JCAD: variants seen among roughly 807,000 people sequenced by gnomAD.
The protein encoded by JCAD is junctional cadherin 5 associated.
JCAD carries 40 observed loss-of-function variants against 98.0 expected under a neutral mutation model. That is an observed-to-expected ratio of 0.41 (90% confidence interval 0.32 to 0.53). The LOEUF (loss-of-function observed/expected upper bound fraction) is 0.53. Ranked by LOEUF, JCAD falls within the 20% of genes least tolerant of loss-of-function variation. The pLI is 0.31. For missense variants in JCAD, 1,705 were observed against 1,738.1 expected (o/e 0.98, Z 0.34); for synonymous variants, 691 against 682.3 (o/e 1.01, Z -0.20).
At chr10:30,110,000 C>G (rs1192735071) in intron 1 of JCAD, among the ~76,000 whole-genome samples, 2 of 151,888 alleles carry the variant, frequency 1.3e-5, no homozygotes, top group African/African-American at 4.8e-5. Flanking sequence ...ATATGGACCC[C>G]TGATGTATGT....
At chr10:30,037,785 A>T (rs1837146608) in intron 2 of JCAD, among the ~76,000 whole-genome samples, 1 of 152,164 alleles carries the variant, frequency 6.6e-6, no homozygotes, top group Non-Finnish European at 1.5e-5. Flanking sequence ...ACGTGCACAG[A>T]GGAAATTAAG....
At chr10:30,093,474 A>G (rs941879591) in intron 1 of JCAD, among the ~76,000 whole-genome samples, 7 of 152,390 alleles carry the variant, frequency 4.6e-5, no homozygotes, top group African/African-American at 1.7e-4. Context: ...CGAGACAGAC[A>G]TAAGACTCAC....
At chr10:30,093,006 G>T (rs893938205) in intron 1 of JCAD, among the ~76,000 whole-genome samples, 1 of 152,048 alleles carries the variant, frequency 6.6e-6, no homozygotes. Context: ...TAGGCCATGG[G>T]TTTTAGCCAG....
chr10:30,050,216 G>A (rs984950527), intron 1 of JCAD, among the ~76,000 whole-genome samples: 1 of 145,276 alleles, frequency 6.9e-6, no homozygotes, highest in Non-Finnish European at 1.5e-5. Context: ...TCAAGAGCCT[G>A]AAGGAGGACA....
At chr10:30,106,501 A>G (rs1434716911) in intron 1 of JCAD, among the ~76,000 whole-genome samples, 2 of 151,910 alleles carry the variant, frequency 1.3e-5, no homozygotes, top group Non-Finnish European at 1.5e-5. Flanking sequence ...CTAGAGTAGC[A>G]CAGAAGATTA....
intron 1 of JCAD, among the ~76,000 whole-genome samples, chr10:30,070,088 A>G (rs1405387064): frequency 6.6e-6 from 1 of 152,212 alleles, no homozygotes; most frequent in Non-Finnish European, 1.5e-5. Context: ...AATCGTGCAA[A>G]TAAGAGCGAC....
At chr10:30,056,462 G>A (rs930276853) in intron 1 of JCAD, among the ~76,000 whole-genome samples, 2 of 151,382 alleles carry the variant, frequency 1.3e-5, no homozygotes, top group South Asian at 4.2e-4. Context: ...ATAACCAGTA[G>A]CAACAATCTG....
intron 2 of JCAD, among the ~76,000 whole-genome samples, chr10:30,043,992 AGAGGTGAT>A (rs1294091721): frequency 6.6e-6 from 1 of 152,210 alleles, no homozygotes; most frequent in Non-Finnish European, 1.5e-5. Context: ...GGGACCTTTA[AGAGGTGAT>A]GAGGTAATGA....
rs1169708352 is a variant in JCAD, at chr10:30,014,355, T to C, written c.*3528A>G. On this transcript the variant is annotated 3_prime_UTR_variant, in exon 4 of 4. Transcript: ENST00000375377. ...TGCATAAATGGGTCTGGTAGAACAA[T>C]GCTCCCCAACGCTAAAGTAATTGCT... 6.6e-6 allele frequency: 1 copy of C among 152,198 alleles called. No homozygotes were observed. Among genetic ancestry groups the C allele is most frequent in the Non-Finnish European group, 1.5e-5 (1 of 68,036 alleles). The allele number at this position is 152,198 out of a possible 1,614,324, so 9.4% of individuals were successfully genotyped here. A position where few individuals can be genotyped will look rare whatever the true frequency, so the allele number is the denominator to read the frequency against.
At position 30,085,645 on chromosome 10, in the gene JCAD, T is replaced by C. The variant is rs375213719; in HGVS notation, n.129-15824A>G. Among the ~76,000 whole-genome samples, 132 of 152,244 alleles carry C rather than the reference T, an allele frequency of 8.7e-4. 4 individuals are homozygous for C. In the South Asian group the frequency reaches 0.013, roughly 15 times the overall value. ...AATTGGTTTCAAGACCAACGACATATGTTGGGAATCATGTGTAGGGGTGGG... is the reference window on the plus strand; with the variant it reads ...AATTGGTTTCAAGACCAACGACATACGTTGGGAATCATGTGTAGGGGTGGG... On this transcript the variant is annotated intron_variant and non_coding_transcript_variant, in intron 1 of 2. Transcript: ENST00000465712.
intron 1 of JCAD, among the ~76,000 whole-genome samples, chr10:30,082,777 G>C (rs1838106191): frequency 6.7e-6 from 1 of 149,932 alleles, no homozygotes; most frequent in South Asian, 2.1e-4. Context: ...CTTGAACCTG[G>C]GATGTGGAGG....
rs551315574 is a variant in JCAD, at chr10:30,111,261, G to T, written n.128+4106C>A. On this transcript the variant is annotated intron_variant and non_coding_transcript_variant, in intron 1 of 2. Coordinates refer to the JCAD transcript ENST00000465712. ...GACAGCCCTTCGGGACCCAGCCCAG[G>T]GGTTACTTCTTCTTGGGTGCATTTT... Among the ~76,000 whole-genome samples the T allele has an allele frequency of 1.1e-4, 17 of 152,198 alleles. No homozygotes were observed. In the South Asian group the frequency reaches 3.5e-3, roughly 32 times the overall value.
At chr10:30,050,452 A>T (rs1837446124) in intron 1 of JCAD, among the ~76,000 whole-genome samples, 1 of 152,120 alleles carries the variant, frequency 6.6e-6, no homozygotes, top group Non-Finnish European at 1.5e-5. Flanking sequence ...TCACAGTTAA[A>T]GTTAGCATTA....
At chr10:30,041,044 C>G (rs532035903) in intron 2 of JCAD, among the ~76,000 whole-genome samples, 2 of 152,208 alleles carry the variant, frequency 1.3e-5, no homozygotes, top group Non-Finnish European at 2.9e-5. Flanking sequence ...ACTCCAGAAG[C>G]CTGCACCTCC....
intron 1 of JCAD, among the ~76,000 whole-genome samples, chr10:30,056,303 G>A (rs1320235083): frequency 6.6e-6 from 1 of 152,100 alleles, no homozygotes; most frequent in Non-Finnish European, 1.5e-5. Context: ...TTATCAAAGT[G>A]TTTGACTTAA....
Position 30,028,284 on chromosome 10 carries a change from G to T in JCAD, c.1864C>A (p.Gln622Lys). 1 of 1,614,240 alleles carries T rather than the reference G, an allele frequency of 6.2e-7. No homozygotes were observed. The highest frequency in any genetic ancestry group is 8.5e-7 in the Non-Finnish European group (1 of 1,180,046). ...GTGGAAGACATGCTCAGCAGACTCT[G>T]TTCTTGCAGAGCCGGGCTCTTATCA... ...GSDKSPALQE[Q>K]SLLSMSSTDL... Residue 622 changes from glutamine (Q) to lysine (K), a missense_variant, in exon 3 of 4, where the codon CAG (glutamine) becomes AAG (lysine). Gln to Lys is a moderately conservative substitution (Grantham distance 53). Coordinates refer to ENST00000375377, the MANE Select transcript of JCAD (RefSeq NM_020848.4).
At chr10:30,030,656 T>C (rs1424640377) in intron 2 of JCAD, among the ~76,000 whole-genome samples, 3 of 152,110 alleles carry the variant, frequency 2.0e-5, no homozygotes, top group Non-Finnish European at 4.4e-5. Flanking sequence ...CTGGAATTGC[T>C]AAGAGAGAGA....
rs985715731 is a variant in JCAD, at chr10:30,109,381, A to G, written n.128+5986T>C. 2.6e-5 allele frequency among the ~76,000 whole-genome samples: 4 copies of G among 152,232 alleles called. No individual in the cohort carries two copies. In the South Asian group the frequency reaches 6.2e-4, roughly 24 times the overall value. On this transcript the variant is annotated intron_variant and non_coding_transcript_variant, in intron 1 of 2. Transcript: ENST00000465712. ...CCTTTTTCCTACTCCTAATGTCCCT[A>G]TCTAGTTAATGGTGCCACCATTTCC...
chr10:30,096,117 C>A lies in JCAD; in HGVS notation n.128+19250G>T, dbSNP rs140060081. ...TCAGAGGGGCCAGTGTGTGGAGAAG[C>A]TGCCAGGAAAGATGCCATCAGCCTG... is the stretch of plus-strand genomic sequence containing the variant. On this transcript the variant is annotated intron_variant and non_coding_transcript_variant, in intron 1 of 2. Coordinates refer to the JCAD transcript ENST00000465712. Among the ~76,000 whole-genome samples, 346 of 152,332 alleles carry A rather than the reference C, an allele frequency of 2.3e-3. 2 individuals carry two copies. Among genetic ancestry groups the A allele is most frequent in the Non-Finnish European group, 3.8e-3 (260 of 68,034 alleles).
Sources: gnomAD v4.1 joint callset for allele counts (sites outside exome capture counted in the v4.1 genomes callset) on GRCh38, gnomAD v4.1.1 for gene constraint, MANE v1.5 for transcripts, NCBI Gene and HGNC (gene_info 2026-07-23, HGNC 2026-07-21) for gene names.